CLVS1: variants seen among roughly 807,000 people sequenced by gnomAD.
The protein encoded by CLVS1 is clavesin 1.
Under a neutral mutation model 33.1 loss-of-function variants are expected in CLVS1, and 10 were observed. The ratio of observed to expected loss-of-function variants is 0.30; its 90% CI spans 0.19 to 0.51. The LOEUF is 0.51. Ranked by LOEUF, CLVS1 falls within the 20% of genes least tolerant of loss-of-function variation. CLVS1 has a pLI of 0.97. For synonymous variants in CLVS1, 163 were observed against 166.1 expected (o/e 0.98, Z 0.14); for missense variants, 343 against 433.4 (o/e 0.79, Z 1.85).
intron 1 of CLVS1, among the ~76,000 whole-genome samples, chr8:61,058,569 A>T (rs34110253): frequency 0.037 from 5,602 of 152,342 alleles, 160 homozygotes; most frequent in South Asian, 0.14. Context: ...AATACACCAC[A>T]AATGTGGAAA....
intron 5 of CLVS1, chr8:61,464,964 C>T (rs534218956): frequency 1.3e-5 from 2 of 152,338 alleles, no homozygotes; most frequent in Admixed American, 6.5e-5. Flanking sequence ...AAATTGGGAA[C>T]AGAATTGGAA....
At chr8:61,067,070 C>T (rs566367516) in intron 1 of CLVS1, among the ~76,000 whole-genome samples, 67 of 151,778 alleles carry the variant, frequency 4.4e-4, no homozygotes, top group African/African-American at 9.2e-4. Context: ...GAATGGGTCA[C>T]GAGAAGGACA....
At chr8:61,457,199 A>C (rs1817200088) in intron 4 of CLVS1, among the ~76,000 whole-genome samples, 1 of 152,010 alleles carries the variant, frequency 6.6e-6, no homozygotes, top group African/African-American at 2.4e-5. Context: ...AGCCTCTCAA[A>C]GTGCTGGGAT....
At chr8:61,449,164 A>G (rs1455673988) in intron 3 of CLVS1, among the ~76,000 whole-genome samples, 1 of 152,176 alleles carries the variant, frequency 6.6e-6, no homozygotes, top group Non-Finnish European at 1.5e-5. Context: ...GGGCCTCCTC[A>G]TTACTGGTGG....
At chr8:61,157,274 A>G (rs1806668954) in intron 2 of CLVS1, among the ~76,000 whole-genome samples, 1 of 152,084 alleles carries the variant, frequency 6.6e-6, no homozygotes, top group South Asian at 2.1e-4. Flanking sequence ...TAACAGATGC[A>G]CTAAAACGAT....
rs551484169 is a variant in CLVS1 at position 61,101,789 on chromosome 8, G to T, written c.-242-29981G>T. On this transcript the variant is annotated intron_variant, in intron 1 of 2. Transcript: ENST00000522621. The stretch of plus-strand genomic sequence containing the variant: ...ATTTTGAGTTAACGTTTTAAATATG[G>T]TGTGAGTAGGAGTCCAAGTTTTTTT... 4.1e-5 allele frequency among the ~76,000 whole-genome samples: 6 copies of T among 145,868 alleles called. 1 individual carries two copies. Among genetic ancestry groups the T allele is most frequent in the African/African-American group, 1.5e-4 (6 of 39,540 alleles).
chr8:61,352,584 G>C (rs1812513677), intron 2 of CLVS1, among the ~76,000 whole-genome samples: 1 of 151,896 alleles, frequency 6.6e-6, no homozygotes, highest in Admixed American at 6.6e-5. Context: ...TGCAAAGATG[G>C]ATTTAAAAAA....
chr8:61,280,950 C>T (rs1388902752), intron 2 of CLVS1, among the ~76,000 whole-genome samples: 2 of 152,180 alleles, frequency 1.3e-5, no homozygotes, highest in African/African-American at 2.4e-5. Context: ...TTAATGTGCA[C>T]ATACACATCT....
At chr8:61,288,285 A>C (rs1044176688) in intron 1 of CLVS1, 147 bp downstream of exon 1, 9 of 455,548 alleles carry the variant, frequency 2.0e-5, no homozygotes, top group East Asian at 7.0e-5. Flanking sequence ...TCCCTCCCGC[A>C]CCGCACCCCG....
the CLVS1 span, among the ~76,000 whole-genome samples, chr8:61,013,811 T>C: frequency 2.0e-5 from 3 of 152,158 alleles, no homozygotes; most frequent in South Asian, 4.1e-4. Flanking sequence ...CCACCATCAG[T>C]TGTGTTACTT....
intron 2 of CLVS1, among the ~76,000 whole-genome samples, chr8:61,175,040 G>A (rs138696650): frequency 7.2e-5 from 11 of 152,266 alleles, no homozygotes; most frequent in Non-Finnish European, 1.5e-4. Flanking sequence ...CTAGGATGTT[G>A]AGGTCTAATA....
At chr8:61,228,756 T>C (rs1255005563) in intron 2 of CLVS1, among the ~76,000 whole-genome samples, 1 of 152,224 alleles carries the variant, frequency 6.6e-6, no homozygotes, top group Non-Finnish European at 1.5e-5. Flanking sequence ...AGTATTCCAC[T>C]GTGTACATGT....
intron 2 of CLVS1, among the ~76,000 whole-genome samples, chr8:61,337,272 T>C (rs755621931): frequency 6.6e-6 from 1 of 152,216 alleles, no homozygotes; most frequent in Non-Finnish European, 1.5e-5. Context: ...GTGCCACAAG[T>C]GGGTGAGTTA....
At chr8:61,236,949 A>G (rs1808576052) in intron 2 of CLVS1, among the ~76,000 whole-genome samples, 1 of 152,202 alleles carries the variant, frequency 6.6e-6, no homozygotes, top group Admixed American at 6.5e-5. Flanking sequence ...ATAGAGTGCA[A>G]TTCATTAAGG....
At chr8:61,191,299 G>A (rs1334099365) in intron 2 of CLVS1, among the ~76,000 whole-genome samples, 1 of 152,164 alleles carries the variant, frequency 6.6e-6, no homozygotes, top group Non-Finnish European at 1.5e-5. Flanking sequence ...AATAGATGCA[G>A]AAAAGGCCTT....
At chr8:60,987,888 C>T in the CLVS1 span, among the ~76,000 whole-genome samples, 2 of 152,168 alleles carry the variant, frequency 1.3e-5, no homozygotes, top group South Asian at 4.2e-4. Flanking sequence ...CATGATCATG[C>T]CCTCCAGCCT....
chr8:61,019,552 C>G, the CLVS1 span, among the ~76,000 whole-genome samples: 1 of 152,126 alleles, frequency 6.6e-6, no homozygotes, highest in African/African-American at 2.4e-5. Flanking sequence ...CTTATTCTAG[C>G]TTTGCTGGAA....
At chr8:61,253,339 T>C (rs1029639211) in intron 2 of CLVS1, among the ~76,000 whole-genome samples, 3 of 152,232 alleles carry the variant, frequency 2.0e-5, no homozygotes, top group Non-Finnish European at 4.4e-5. Flanking sequence ...CCTTTCTCTC[T>C]GGCTGCCTTT....
intron 1 of CLVS1, among the ~76,000 whole-genome samples, chr8:61,127,424 G>A (rs900700664): frequency 6.6e-6 from 1 of 151,996 alleles, no homozygotes; most frequent in Non-Finnish European, 1.5e-5. Context: ...TCACCATGTT[G>A]GTCAGGCTGG....
Sources: allele counts gnomAD v4.1 joint callset (sites outside exome capture counted in the v4.1 genomes callset), GRCh38; gene constraint gnomAD v4.1.1; transcripts MANE v1.5; gene names NCBI Gene and HGNC (gene_info 2026-07-23, HGNC 2026-07-21).